Variants in PRKD1 observed in about 807,000 individuals in gnomAD.
PRKD1 encodes serine/threonine-protein kinase D1.
A neutral mutation model predicts 95.9 loss-of-function variants in PRKD1; 63 were observed. The observed-to-expected ratio is 0.66, with a 90% CI of 0.54 to 0.81. The LOEUF (loss-of-function observed/expected upper bound fraction) is 0.81, where lower values mean the gene tolerates loss of function less well. Ranked by LOEUF, PRKD1 falls within the 30% of genes least tolerant of loss-of-function variation. The probability of loss-of-function intolerance (pLI) is 0.00; values close to 1 mark genes in which losing one functional copy is unlikely to be tolerated. For missense variants in PRKD1, 1,048 were observed against 1,165.3 expected (o/e 0.90, Z 1.47); for synonymous variants, 425 against 423.1 (o/e 1.00, Z -0.05).
intron 1 of PRKD1, among the ~76,000 whole-genome samples, chr14:29,780,161 A>C (rs1448946215): frequency 2.6e-5 from 4 of 152,094 alleles, no homozygotes; most frequent in Non-Finnish European, 5.9e-5. Flanking sequence ...AGACTTAAAT[A>C]TTAGACCTAA....
chr14:29,770,641 A>C (rs1402039818), intron 1 of PRKD1, among the ~76,000 whole-genome samples: 1 of 152,216 alleles, frequency 6.6e-6, no homozygotes, highest in Admixed American at 6.5e-5. Context: ...AGTAGAACTT[A>C]TGAGAAGTGA....
At chr14:29,649,523 C>T (rs771945425) in intron 4 of PRKD1, among the ~76,000 whole-genome samples, 19 of 149,640 alleles carry the variant, frequency 1.3e-4, no homozygotes, top group African/African-American at 4.2e-4. Context: ...GCTCGAGCTG[C>T]GAGAGTTTGT....
At chr14:29,854,783 A>T (rs954954768) in intron 1 of PRKD1, among the ~76,000 whole-genome samples, 3 of 152,152 alleles carry the variant, frequency 2.0e-5, no homozygotes, top group Non-Finnish European at 4.4e-5. Context: ...GGCTGAGTCC[A>T]GGGTCTCCAT....
intron 1 of PRKD1, among the ~76,000 whole-genome samples, chr14:29,732,279 GTTAC>G (rs1886479065): frequency 6.6e-6 from 1 of 151,624 alleles, no homozygotes; most frequent in Non-Finnish European, 1.5e-5. Context: ...CTGTTTTTTT[GTTAC>G]TTTTTTTCCT....
At chr14:29,765,038 C>G (rs1206069262) in intron 1 of PRKD1, among the ~76,000 whole-genome samples, 1 of 152,150 alleles carries the variant, frequency 6.6e-6, no homozygotes, top group Non-Finnish European at 1.5e-5. Context: ...CCCAAAGAAA[C>G]TCAAGCCTTG....
intron 1 of PRKD1, among the ~76,000 whole-genome samples, chr14:29,757,234 CCATGCAGAGAAACAT>C (rs1319567437): frequency 6.6e-6 from 1 of 152,134 alleles, no homozygotes; most frequent in Non-Finnish European, 1.5e-5. Flanking sequence ...CAGTGCCTGG[CCATGCAGAGAAACAT>C]CATGCTAAAC....
chr14:29,896,666 G>T (rs1184739049), intron 1 of PRKD1, among the ~76,000 whole-genome samples: 2 of 151,062 alleles, frequency 1.3e-5, no homozygotes, highest in Non-Finnish European at 2.9e-5. Flanking sequence ...ACACAAAATG[G>T]TTGTAAAAGG....
intron 1 of PRKD1, among the ~76,000 whole-genome samples, chr14:29,793,582 G>A (rs1328209644): frequency 1.3e-5 from 2 of 152,018 alleles, no homozygotes; most frequent in Non-Finnish European, 2.9e-5. Flanking sequence ...TGAAATGGGA[G>A]CAATGTTCAA....
chr14:29,621,337 T>TATAATA (rs761619164), intron 13 of PRKD1, among the ~76,000 whole-genome samples: 1 of 151,356 alleles, frequency 6.6e-6, no homozygotes, highest in African/African-American at 2.4e-5. Context: ...AAACTTAAAG[T>TATAATA]ATAATAATAA....
chr14:29,699,629 T>C (rs899995056), intron 2 of PRKD1, among the ~76,000 whole-genome samples: 2 of 152,178 alleles, frequency 1.3e-5, no homozygotes, highest in Non-Finnish European at 2.9e-5. Context: ...TTTTAATTGT[T>C]TAGGAGTTTA....
intron 1 of PRKD1, among the ~76,000 whole-genome samples, chr14:29,847,604 A>G (rs1441401110): frequency 1.3e-5 from 2 of 152,220 alleles, no homozygotes; most frequent in African/African-American, 4.8e-5. Flanking sequence ...GACTCTGATC[A>G]TATATTTCAT....
chr14:29,682,641 C>T (rs146065862), intron 2 of PRKD1, among the ~76,000 whole-genome samples: 50 of 152,056 alleles, frequency 3.3e-4, no homozygotes, highest in African/African-American at 8.7e-4. Flanking sequence ...AGCAGGGAAA[C>T]GAGAAATAAA....
At chr14:29,587,302 C>T (rs772499757) in intron 16 of PRKD1, among the ~76,000 whole-genome samples, 5 of 152,154 alleles carry the variant, frequency 3.3e-5, no homozygotes, top group Admixed American at 6.5e-5. Flanking sequence ...GGGAGCCGTA[C>T]AGGGGTTAGA....
intron 1 of PRKD1, among the ~76,000 whole-genome samples, chr14:29,911,221 C>A (rs1181469405): frequency 6.6e-6 from 1 of 152,088 alleles, no homozygotes; most frequent in East Asian, 1.9e-4. Flanking sequence ...TAAAGGAAAT[C>A]AAATATCTTA....
intron 1 of PRKD1, among the ~76,000 whole-genome samples, chr14:29,884,375 C>T (rs902572048): frequency 9.9e-5 from 15 of 152,036 alleles, no homozygotes; most frequent in African/African-American, 3.4e-4. Context: ...ATTAATATTT[C>T]ATGTCTAATA....
intron 1 of PRKD1, among the ~76,000 whole-genome samples, chr14:29,752,760 G>C (rs1887536986): frequency 6.6e-6 from 1 of 151,958 alleles, no homozygotes; most frequent in South Asian, 2.1e-4. Context: ...CTGTTTGTGT[G>C]CAATCATCAA....
intron 1 of PRKD1, among the ~76,000 whole-genome samples, chr14:29,874,397 A>G (rs1354109137): frequency 6.6e-6 from 1 of 152,202 alleles, no homozygotes; most frequent in Non-Finnish European, 1.5e-5. Flanking sequence ...TAGTATGACC[A>G]CTACGGAAAA....
At chr14:29,670,079 G>A (rs1189378248) in intron 2 of PRKD1, among the ~76,000 whole-genome samples, 1 of 152,088 alleles carries the variant, frequency 6.6e-6, no homozygotes, top group African/African-American at 2.4e-5. Flanking sequence ...AATGCTAAAA[G>A]CAAGCCTTTA....
intron 2 of PRKD1, among the ~76,000 whole-genome samples, chr14:29,674,407 G>T (rs182261389): frequency 2.0e-3 from 309 of 152,246 alleles, no homozygotes; most frequent in African/African-American, 7.0e-3. Flanking sequence ...ATTAACAGTT[G>T]GGAATTGCAG....
Sources: gnomAD v4.1 joint callset for allele counts (sites outside exome capture counted in the v4.1 genomes callset) on GRCh38, gnomAD v4.1.1 for gene constraint, MANE v1.5 for transcripts, NCBI Gene and HGNC (gene_info 2026-07-23, HGNC 2026-07-21) for gene names.